Variants in PRKN observed in about 807,000 individuals in gnomAD.
PRKN encodes E3 ubiquitin-protein ligase parkin.
A neutral mutation model predicts 59.5 loss-of-function variants in PRKN; 56 were observed. The observed-to-expected ratio is 0.94, with a 90% CI of 0.76 to 1.18. The LOEUF is 1.18. PRKN is among the 50% of genes most tolerant of loss of function. The probability of loss-of-function intolerance (pLI) is 0.00; values close to 1 mark genes in which losing one functional copy is unlikely to be tolerated. For synonymous variants in PRKN, 250 were observed against 222.1 expected (o/e 1.13, Z -1.12); for missense variants, 657 against 596.4 (o/e 1.10, Z -1.06).
chr6:161,522,142 G>A (rs893967057), intron 9 of PRKN, among the ~76,000 whole-genome samples: 5 of 152,144 alleles, frequency 3.3e-5, no homozygotes, highest in East Asian at 3.9e-4. Flanking sequence ...ATATTTAACC[G>A]AATGCTGCCA....
chr6:162,359,079 A>AAAAAAAAATAT (rs57265104), intron 2 of PRKN, among the ~76,000 whole-genome samples: 1 of 83,274 alleles, frequency 1.2e-5, no homozygotes, highest in South Asian at 3.6e-4. Flanking sequence ...AAAAAAAAAA[A>AAAAAAAAATAT]ATATATATAT....
At chr6:162,503,594 T>C (rs1316598343) in intron 1 of PRKN, among the ~76,000 whole-genome samples, 1 of 152,192 alleles carries the variant, frequency 6.6e-6, no homozygotes, top group Non-Finnish European at 1.5e-5. Flanking sequence ...CTAATAAAAG[T>C]ATAACCAAGC....
chr6:162,631,961 G>A (rs1783124475), intron 1 of PRKN, among the ~76,000 whole-genome samples: 2 of 148,378 alleles, frequency 1.3e-5, no homozygotes, highest in Non-Finnish European at 3.0e-5. Context: ...TCTTATACCA[G>A]TCAGAATGGC....
chr6:162,674,472 T>C (rs1272368885), intron 1 of PRKN, among the ~76,000 whole-genome samples: 1 of 152,118 alleles, frequency 6.6e-6, no homozygotes, highest in Non-Finnish European at 1.5e-5. Context: ...ATAATGGTAT[T>C]GGAAAGTCAT....
In PRKN at chr6:161,552,157, C is replaced by T. The variant is rs986409926; in HGVS notation, c.934-3154G>A. ...GAGCAGAGTCTTCTGTTTCTCTGCA[C>T]CAACACTGAGCTGCAAAGGCAAAGT... On this transcript the variant is annotated intron_variant, in intron 8 of 11. Transcript: ENST00000366898. The surrounding 1 kb of genome is among the most constrained non-coding windows in gnomAD (Gnocchi z 4.9). Among the ~76,000 whole-genome samples the T allele has an allele frequency of 6.6e-6, 1 of 152,184 alleles. No individual in the cohort carries two copies. The highest frequency in any genetic ancestry group is 1.5e-5 in the Non-Finnish European group (1 of 68,034).
intron 9 of PRKN, among the ~76,000 whole-genome samples, chr6:161,534,181 G>A (rs181245995): frequency 7.9e-5 from 12 of 152,166 alleles, no homozygotes; most frequent in Admixed American, 7.2e-4. Flanking sequence ...CTCTCCGTCG[G>A]CTAATCATTC....
intron 1 of PRKN, among the ~76,000 whole-genome samples, chr6:162,507,494 A>G (rs1463876586): frequency 1.3e-5 from 2 of 152,188 alleles, no homozygotes; most frequent in Non-Finnish European, 2.9e-5. Context: ...TTTTGCCAGC[A>G]CCATATTGAC....
rs1022242513 is a variant in PRKN at position 162,461,714 on chromosome 6, G to A, written c.8-18241C>T. 4.0e-5 allele frequency among the ~76,000 whole-genome samples: 6 copies of A among 150,458 alleles called. No individual in the cohort carries two copies. The East Asian group carries it at 7.9e-4, about 20-fold the overall frequency. ...TGCGTTCCTGTAACCCCAGCTACTC[G>A]GGGCGGGGGGCTGAGGCAGGAGAAT... On this transcript the variant is annotated intron_variant, in intron 1 of 11. Coordinates refer to ENST00000366898, the MANE Select transcript of PRKN (RefSeq NM_004562.3).
chr6:162,184,297 C>T (rs1462514276), intron 4 of PRKN, among the ~76,000 whole-genome samples: 1 of 152,168 alleles, frequency 6.6e-6, no homozygotes, highest in Non-Finnish European at 1.5e-5. Context: ...CATCCACTGT[C>T]CTCTCTTTCT....
chr6:161,412,466 G>GCATT (rs1787622865), intron 9 of PRKN, among the ~76,000 whole-genome samples: 1 of 67,804 alleles, frequency 1.5e-5, no homozygotes, highest in African/African-American at 6.1e-5. Flanking sequence ...CCTTTCTCAC[G>GCATT]CATTCCTCCA....
rs1779754737 is a variant in PRKN at position 161,545,231 on chromosome 6, C to T, written c.1083+3623G>A. 1 of 1,336,984 alleles carries T rather than the reference C, an allele frequency of 7.5e-7. No homozygotes were observed. Among genetic ancestry groups the T allele is most frequent in the Non-Finnish European group, 9.6e-7 (1 of 1,044,006 alleles). 82.8% of individuals were successfully genotyped at this position (1,336,984 alleles called of 1,614,324 possible). A position where few individuals can be genotyped will look rare whatever the true frequency, so the allele number is the denominator to read the frequency against. ...ATAATTGAGGGAAAAAAAAATTAAG[C>T]ACGGGTGAATTCACAGGCATCTTAC... is the stretch of plus-strand genomic sequence containing the variant. On this transcript the variant is annotated intron_variant, in intron 9 of 11. Transcript: ENST00000366898. This position sits in a 1 kb window ranked among gnomAD's most constrained non-coding sequence, Gnocchi z 4.1.
intron 7 of PRKN, among the ~76,000 whole-genome samples, chr6:161,776,727 C>T (rs1789941011): frequency 6.6e-6 from 1 of 152,106 alleles, no homozygotes; most frequent in South Asian, 2.1e-4. Flanking sequence ...GGTTGAAGAC[C>T]ACAGCCTAGG....
At position 161,418,927 on chromosome 6, in the gene PRKN, C is replaced by T. The variant is rs549869189; in HGVS notation, c.1084-32050G>A. ...ACATACAGGCGGTGGAGTTTTCTAG[C>T]GTTCCAGCCTAAATCAGAAAACAAT... On this transcript the variant is annotated intron_variant, in intron 9 of 11. Transcript: ENST00000366898. Among the ~76,000 whole-genome samples, 3 of 152,284 alleles carry T rather than the reference C, an allele frequency of 2.0e-5. No homozygotes were observed. The East Asian group carries it at 5.8e-4, about 29-fold the overall frequency.
At chr6:162,612,192 C>CAAAAAAAAAAAAAAAAAAAAAAAAAAAAA in intron 1 of PRKN, among the ~76,000 whole-genome samples, 1 of 64,876 alleles carries the variant, frequency 1.5e-5, no homozygotes, top group Non-Finnish European at 2.7e-5. Flanking sequence ...GACTCCATCT[C>CAAAAAAAAAAAAAAAAAAAAAAAAAAAAA]AAAAAAAAAA....
chr6:162,020,531 C>A (rs1025051709), intron 5 of PRKN, among the ~76,000 whole-genome samples: 1 of 151,970 alleles, frequency 6.6e-6, no homozygotes, highest in African/African-American at 2.4e-5. Context: ...ACATACATAT[C>A]TTGGTTCTTT....
In PRKN at chr6:161,578,214, T is replaced by C. The variant is rs13205523; in HGVS notation, c.872-8798A>G. Among the ~76,000 whole-genome samples the C allele has an allele frequency of 0.53, 80,682 of 151,976 alleles. 22,096 individuals carry two copies. The highest frequency in any genetic ancestry group is 0.63 in the Middle Eastern group (184 of 294). ...TGTTTGAGGAATCCAAGCAGCTGCT[T>C]GGCTGCAGATGAGAATTGAAAGCAC... is the stretch of plus-strand genomic sequence containing the variant. On this transcript the variant is annotated intron_variant, in intron 7 of 11. Coordinates refer to ENST00000366898, the MANE Select transcript of PRKN (RefSeq NM_004562.3). The surrounding 1 kb of genome is among the most constrained non-coding windows in gnomAD (Gnocchi z 4.2).
At chr6:162,267,437 G>A (rs1780190970) in intron 2 of PRKN, among the ~76,000 whole-genome samples, 1 of 152,088 alleles carries the variant, frequency 6.6e-6, no homozygotes, top group South Asian at 2.1e-4. Flanking sequence ...AAATTCCTCA[G>A]ATGTGGGAAG....
intron 2 of PRKN, among the ~76,000 whole-genome samples, chr6:162,396,917 A>G (rs1178907190): frequency 1.3e-5 from 2 of 152,168 alleles, no homozygotes; most frequent in East Asian, 3.9e-4. Flanking sequence ...CCCTAAACAC[A>G]CAGGCATGAA....
chr6:161,382,704 C>T (rs1302422817), intron 10 of PRKN, among the ~76,000 whole-genome samples: 1 of 152,190 alleles, frequency 6.6e-6, no homozygotes, highest in Admixed American at 6.5e-5. Flanking sequence ...ACTGCTTTCC[C>T]AAACTCCCAG....
Sources: gnomAD v4.1 joint callset for allele counts (sites outside exome capture counted in the v4.1 genomes callset) on GRCh38, gnomAD v4.1.1 for gene constraint, Gnocchi (gnomAD v3.1) non-coding constraint, MANE v1.5 for transcripts, NCBI Gene and HGNC (gene_info 2026-07-23, HGNC 2026-07-21) for gene names.